MTBP: variants seen among roughly 807,000 people sequenced by gnomAD.
The protein encoded by MTBP is mdm2-binding protein.
MTBP carries 101 observed loss-of-function variants against 117.0 expected under a neutral mutation model. That is an observed-to-expected ratio of 0.86 (90% CI 0.73 to 1.02). MTBP has a LOEUF of 1.02. Ranked by LOEUF, MTBP falls within the 50% of genes least tolerant of loss-of-function variation. The pLI is 0.00. For synonymous variants in MTBP, 350 were observed against 351.5 expected, an observed-to-expected ratio of 1.00 and a Z score of 0.05; for missense variants, 970 against 1,030.9, an observed-to-expected ratio of 0.94 and a Z score of 0.81.
intron 11 of MTBP, among the ~76,000 whole-genome samples, chr8:120,480,251 AAAAC>A (rs1336356407): frequency 1.4e-5 from 2 of 146,982 alleles, no homozygotes; most frequent in Non-Finnish European, 3.0e-5. Context: ...AAAAAAAACA[AAAAC>A]AAAAATTAGC....
chr8:120,451,098 C>T (rs1486744100), intron 3 of MTBP, 22 bp downstream of exon 3: 1 of 1,586,280 alleles, frequency 6.3e-7, no homozygotes, highest in Non-Finnish European at 8.6e-7. Context: ...TTAAAGATAG[C>T]TACTAATGAA....
chr8:120,506,035 T>C (rs1814679129), intron 15 of MTBP, among the ~76,000 whole-genome samples: 2 of 152,216 alleles, frequency 1.3e-5, no homozygotes, highest in South Asian at 4.1e-4. Flanking sequence ...AGTACTTATT[T>C]TTAGTTATTA....
chr8:120,509,998 A>G lies in MTBP; in HGVS notation c.1948A>G (p.Lys650Glu). The change falls in exon 17 of 22, where the codon AAA (lysine) becomes GAA (glutamate). Residue 650 changes from lysine to glutamate, a missense_variant. Lys to Glu is a moderately conservative substitution (Grantham distance 56). Transcript: ENST00000305949. ...GAAACTTCAGGTCTTACCTTTTGAGAAAGCCTCAGTATGTCATTATCATGG... is the reference window on the plus strand; with the variant it reads ...GAAACTTCAGGTCTTACCTTTTGAGGAAGCCTCAGTATGTCATTATCATGG... ...PGKLQVLPFE[K>E]ASVCHYHGIE... 1.2e-6 allele frequency: 2 copies of G among 1,612,488 alleles called. No individual in the cohort carries two copies. The highest frequency in any genetic ancestry group is 1.7e-6 in the Non-Finnish European group (2 of 1,179,142).
intron 11 of MTBP, among the ~76,000 whole-genome samples, chr8:120,480,233 T>C (rs940482893): frequency 1.3e-5 from 1 of 74,682 alleles, no homozygotes; most frequent in African/African-American, 3.2e-5. Context: ...ACCCCGTCTC[T>C]ACAAAAAAAA....
intron 13 of MTBP, among the ~76,000 whole-genome samples, chr8:120,493,564 C>T (rs1408207953): frequency 6.6e-6 from 1 of 151,836 alleles, no homozygotes; most frequent in African/African-American, 2.4e-5. Flanking sequence ...GATCTTGGCC[C>T]ACTGCAACTT....
intron 21 of MTBP, 88 bp from the exon 22 acceptor site, chr8:120,523,210 A>T (rs1387768010): frequency 2.3e-6 from 2 of 861,294 alleles, no homozygotes; most frequent in East Asian, 5.1e-5. Flanking sequence ...ATTTTCTACC[A>T]TGTTCTTTTG....
At chr8:120,461,380 G>GATTCACTGATTTAATGTTTTA (rs1813580234) in intron 9 of MTBP, 125 bp downstream of exon 9, 1 of 663,196 alleles carries the variant, frequency 1.5e-6, no homozygotes, top group Non-Finnish European at 2.4e-6. Flanking sequence ...TTTTAATGTT[G>GATTCACTGATTTAATGTTTTA]ATGTTCAAGT....
chr8:120,522,745 A>G, intron 21 of MTBP, 26 bp downstream of exon 21: 2 of 1,536,142 alleles, frequency 1.3e-6, no homozygotes, highest in East Asian at 2.3e-5. Flanking sequence ...CCAAGAAACT[A>G]TATTCAATTA....
intron 11 of MTBP, chr8:120,471,813 G>T (rs1813822075): frequency 6.6e-6 from 1 of 152,106 alleles, no homozygotes; most frequent in Non-Finnish European, 1.5e-5. Context: ...GTTTGAATCT[G>T]TGCTCTTGTG....
chr8:120,445,463 CTG>C lies in MTBP; in HGVS notation c.-7_-6del. On this transcript the variant is annotated 5_prime_UTR_variant, in exon 1 of 22. Transcript: ENST00000305949. Reference sequence around the variant, plus strand: ...GAGACCTAAAGTTGGGGGGTGATCTCTGAGGAGATGGATCGGTACCTGCTGCT... The same window carrying C: ...GAGACCTAAAGTTGGGGGGTGATCTCAGGAGATGGATCGGTACCTGCTGCT... The C allele has an allele frequency of 3.1e-6, 5 of 1,611,878 alleles. No homozygotes were observed. The Middle Eastern group carries it at 5.0e-4, about 160-fold the overall frequency.
chr8:120,479,227 A>AT (rs1382694782), intron 11 of MTBP, among the ~76,000 whole-genome samples: 1 of 152,186 alleles, frequency 6.6e-6, no homozygotes, highest in African/African-American at 2.4e-5. Context: ...ATCACACAAT[A>AT]TACCCTCATG....
chr8:120,497,551 A>C lies in MTBP; in HGVS notation c.1606A>C (p.Asn536His). 6.8e-7 allele frequency: 1 copy of C among 1,468,446 alleles called. No individual in the cohort carries two copies. Among genetic ancestry groups the C allele is most frequent in the African/African-American group, 1.4e-5 (1 of 69,030 alleles). 91.0% of individuals were successfully genotyped at this position (1,468,446 alleles called of 1,614,324 possible). A position where few individuals can be genotyped will look rare whatever the true frequency, so the allele number is the denominator to read the frequency against. The change falls in exon 14 of 22, where the codon AAT (asparagine) becomes CAT (histidine). Residue 536 changes from asparagine (N) to histidine (H), a missense_variant. Transcript: ENST00000305949. Reference protein sequence around the residue: ...MDKIKTFNILNDFSPVEPNSS... With the variant: ...MDKIKTFNILHDFSPVEPNSS... ...CAAAATTAAAACCTTCAATATATTA[A>C]ATGGTAAGTTTTTTATTACTTTAAA...
At chr8:120,519,451 TTGGACAGGTCAGTCACTCAAGACGA>T (rs1336657318) in intron 20 of MTBP, among the ~76,000 whole-genome samples, 1 of 152,060 alleles carries the variant, frequency 6.6e-6, no homozygotes, top group Non-Finnish European at 1.5e-5. Flanking sequence ...TTGTAAGACA[TTGGACAGGTCAGTCACTCAAGACGA>T]TGGTTTTCTA....
Position 120,517,939 on chromosome 8 carries a change from C to T in MTBP, c.2335C>T (p.Pro779Ser), listed in dbSNP as rs757718494. The change falls in exon 19 of 22, where the codon CCA becomes TCA. Residue 779 changes from proline (P) to serine (S), a missense_variant. Pro to Ser is a moderately conservative substitution (Grantham distance 74). Coordinates refer to ENST00000305949, the MANE Select transcript of MTBP (RefSeq NM_022045.5). Reference protein sequence around the residue: ...HYHHHVTSRKPQTERSLPVTC... With the variant: ...HYHHHVTSRKSQTERSLPVTC... ...TCATCATCATGTGACATCCAGAAAGCCACAAACAGAACGGTCCTTACCAGT... is the reference window on the plus strand; with the variant it reads ...TCATCATCATGTGACATCCAGAAAGTCACAAACAGAACGGTCCTTACCAGT... The T allele has an allele frequency of 1.2e-6, 2 of 1,612,398 alleles. No homozygotes were observed. The highest frequency in any genetic ancestry group is 1.7e-6 in the Non-Finnish European group (2 of 1,178,820).
chr8:120,461,183 C>A lies in MTBP; in HGVS notation c.905C>A (p.Ala302Asp). ...TAGGTTTTCCATTATTATGGCCCTG[C>A]TTTAGAATTTGTGCAGATGATAAAA... ...LPKVFHYYGP[A>D]LEFVQMIKLS... The change falls in exon 9 of 22, where the codon GCT becomes GAT. Residue 302 changes from alanine to aspartate, a missense_variant. By Grantham distance (126) the Ala-to-Asp change is moderately radical. Transcript: ENST00000305949. 1 of 1,600,822 alleles carries A rather than the reference C, an allele frequency of 6.2e-7. No individual in the cohort carries two copies. Among genetic ancestry groups the A allele is most frequent in the Non-Finnish European group, 8.6e-7 (1 of 1,168,974 alleles).
At chr8:120,507,816 T>G (rs6469932) in intron 16 of MTBP, among the ~76,000 whole-genome samples, 83,257 of 151,942 alleles carry the variant, frequency 0.55, 25,282 homozygotes, top group Non-Finnish European at 0.67. Context: ...TTCCCATAAC[T>G]TTGAAAGATT....
At chr8:120,468,230 G>T (rs1813740520) in intron 10 of MTBP, among the ~76,000 whole-genome samples, 1 of 151,872 alleles carries the variant, frequency 6.6e-6, no homozygotes, top group South Asian at 2.1e-4. Flanking sequence ...TAATAATAAA[G>T]AAAAATAAGC....
At chr8:120,501,435 G>A (rs1814584598) in intron 14 of MTBP, among the ~76,000 whole-genome samples, 1 of 151,424 alleles carries the variant, frequency 6.6e-6, no homozygotes, top group Non-Finnish European at 1.5e-5. Context: ...TGTAATCCCA[G>A]CTACTTGGGA....
intron 17 of MTBP, among the ~76,000 whole-genome samples, chr8:120,513,398 T>TGTG (rs1814853547): frequency 6.6e-6 from 1 of 152,072 alleles, no homozygotes; most frequent in South Asian, 2.1e-4. Context: ...AATATGGAAT[T>TGTG]GTGGTCATTC....
Sources: allele counts gnomAD v4.1 joint callset (sites outside exome capture counted in the v4.1 genomes callset), GRCh38; gene constraint gnomAD v4.1.1; transcripts MANE v1.5; gene names NCBI Gene and HGNC (gene_info 2026-07-23, HGNC 2026-07-21).